ZNF138: variants seen among roughly 807,000 people sequenced by gnomAD.
The protein encoded by ZNF138 is zinc finger protein 138 (clone pHZ-32).
Under a neutral mutation model 33.0 loss-of-function variants are expected in ZNF138, and 33 were observed. The ratio of observed to expected loss-of-function variants is 1.00; its 90% CI spans 0.76 to 1.34. The LOEUF (loss-of-function observed/expected upper bound fraction) is 1.34, where lower values mean the gene tolerates loss of function less well. ZNF138 is among the 40% of genes most tolerant of loss of function. The pLI, the probability that ZNF138 is intolerant of heterozygous loss-of-function variation, is 0.00. For missense variants in ZNF138, 360 were observed against 370.8 expected (o/e 0.97, Z 0.24); for synonymous variants, 139 against 120.4 (o/e 1.15, Z -1.01).
At chr7:64,850,838 C>A in the ZNF138 span, among the ~76,000 whole-genome samples, 1 of 152,158 alleles carries the variant, frequency 6.6e-6, no homozygotes, top group Non-Finnish European at 1.5e-5. Flanking sequence ...TCTTTTAGAT[C>A]ATGATTAATG....
chr7:64,829,039 T>G (rs561511604), intron 3 of ZNF138, among the ~76,000 whole-genome samples: 1 of 152,278 alleles, frequency 6.6e-6, no homozygotes, highest in Admixed American at 6.5e-5. Flanking sequence ...TGTTGTATAC[T>G]CTTACTCCAT....
chr7:64,860,059 C>T, the ZNF138 span, among the ~76,000 whole-genome samples: 3 of 152,188 alleles, frequency 2.0e-5, no homozygotes, highest in African/African-American at 7.2e-5. Flanking sequence ...ATTGCTTGAA[C>T]TCGGGAGGCG....
chr7:64,810,907 A>T (rs1352443389), intron 1 of ZNF138, among the ~76,000 whole-genome samples: 1 of 152,206 alleles, frequency 6.6e-6, no homozygotes, highest in African/African-American at 2.4e-5. Flanking sequence ...GGAAAAAATA[A>T]AGTATGTATT....
At chr7:64,809,678 G>A (rs1369262191) in intron 1 of ZNF138, among the ~76,000 whole-genome samples, 15 of 148,308 alleles carry the variant, frequency 1.0e-4, no homozygotes, top group Admixed American at 4.7e-4. Flanking sequence ...GCTGCCGGGC[G>A]GAGGGGCTCC....
the ZNF138 span, among the ~76,000 whole-genome samples, chr7:64,839,731 G>T: frequency 6.6e-6 from 1 of 152,296 alleles, no homozygotes; most frequent in African/African-American, 2.4e-5. Flanking sequence ...GACTGAGGGA[G>T]AGGCCTGATC....
the ZNF138 span, among the ~76,000 whole-genome samples, chr7:64,848,789 C>T: frequency 2.0e-5 from 3 of 147,008 alleles, no homozygotes; most frequent in Non-Finnish European, 4.5e-5. Context: ...ACTGCAGGCT[C>T]CACCTCCCGG....
Position 64,798,839 on chromosome 7 carries a change from G to C in ZNF138, c.3+4268G>C, listed in dbSNP as rs117348104. 7.1e-3 allele frequency among the ~76,000 whole-genome samples: 1,047 copies of C among 147,718 alleles called. 8 individuals are homozygous for C. The highest frequency in any genetic ancestry group is 0.012 in the Non-Finnish European group (786 of 67,278). On this transcript the variant is annotated intron_variant, in intron 1 of 3. Transcript: ENST00000307355. The stretch of plus-strand genomic sequence containing the variant: ...ATCTTGTCAGCTTTTTTGATGATCA[G>C]ATGGTCAGATGGTTGTAGATGTGTG...
rs771260122 is a variant in ZNF138 at position 64,794,552 on chromosome 7, C to G, written c.-17C>G. ...AGATTCACAGCTAAGACGCCAGGAT[C>G]CCCCGGAAGCCTAGAAATGGTGAGA... On this transcript the variant is annotated 5_prime_UTR_variant, in exon 1 of 4. The change creates a new upstream start codon in the 5' untranslated region. Coordinates refer to ENST00000307355, the MANE Select transcript of ZNF138 (RefSeq NM_001271639.2). 2.4e-5 allele frequency: 38 copies of G among 1,612,788 alleles called. No individual in the cohort carries two copies. The highest frequency in any genetic ancestry group is 3.1e-5 in the Non-Finnish European group (36 of 1,179,214).
chr7:64,794,696 TG>T, intron 1 of ZNF138, 125 bp downstream of exon 1: 1 of 1,424,640 alleles, frequency 7.0e-7, no homozygotes, highest in South Asian at 1.2e-5. Context: ...CCCGAGTTCT[TG>T]GCACAGCTCG....
At chr7:64,801,955 A>C (rs1021520271) in intron 1 of ZNF138, among the ~76,000 whole-genome samples, 2 of 152,162 alleles carry the variant, frequency 1.3e-5, no homozygotes, top group African/African-American at 4.8e-5. Flanking sequence ...AAACTCTGTA[A>C]AATATTTTAA....
At position 64,794,503 on chromosome 7, in the gene ZNF138, T is replaced by A. The variant is rs534211407; in HGVS notation, c.-66T>A. On this transcript the variant is annotated 5_prime_UTR_variant, in exon 1 of 4. Coordinates refer to ENST00000307355, the MANE Select transcript of ZNF138 (RefSeq NM_001271639.2). ...CTTACTCCTAGAGGCCCAGCCTCTG[T>A]GGCGCTGTGATCTGGTTATTGGGAG... 4 of 1,609,140 alleles carry A rather than the reference T, an allele frequency of 2.5e-6. No homozygotes were observed. Among genetic ancestry groups the A allele is most frequent in the African/African-American group, 2.7e-5 (2 of 74,884 alleles).
chr7:64,811,366 A>G (rs1788164508), intron 1 of ZNF138, among the ~76,000 whole-genome samples: 1 of 152,184 alleles, frequency 6.6e-6, no homozygotes, highest in South Asian at 2.1e-4. Context: ...TTTTCTTGAG[A>G]CAGAGTGTTG....
the ZNF138 span, among the ~76,000 whole-genome samples, chr7:64,855,963 T>C: frequency 4.3e-4 from 2 of 4,682 alleles, no homozygotes; most frequent in African/African-American, 4.5e-4. Flanking sequence ...CGTCTCTGCC[T>C]GGCTGCCCAT....
At chr7:64,846,394 G>A in the ZNF138 span, among the ~76,000 whole-genome samples, 1 of 152,314 alleles carries the variant, frequency 6.6e-6, no homozygotes, top group African/African-American at 2.4e-5. Flanking sequence ...CCATCCATGA[G>A]CATGGGATGT....
the ZNF138 span, among the ~76,000 whole-genome samples, chr7:64,858,282 G>A: frequency 7.2e-5 from 11 of 152,336 alleles, no homozygotes; most frequent in Non-Finnish European, 1.6e-4. Flanking sequence ...CTAATAGTGA[G>A]TGGAAGTGAT....
intron 1 of ZNF138, among the ~76,000 whole-genome samples, chr7:64,810,710 T>C (rs920147602): frequency 7.2e-5 from 11 of 152,194 alleles, no homozygotes; most frequent in Non-Finnish European, 1.5e-4. Flanking sequence ...GAATTCTACA[T>C]AGGGTACACT....
At chr7:64,796,778 C>T (rs1786721947) in intron 1 of ZNF138, among the ~76,000 whole-genome samples, 1 of 152,226 alleles carries the variant, frequency 6.6e-6, no homozygotes, top group Admixed American at 6.5e-5. Context: ...TGCGGTGGCT[C>T]ATGCCTGAAA....
the ZNF138 span, chr7:64,852,400 G>A: frequency 1.3e-6 from 2 of 1,527,006 alleles, no homozygotes; most frequent in Non-Finnish European, 1.8e-6. Flanking sequence ...TAGATTAAGA[G>A]GTGGCCCCGG....
chr7:64,811,656 T>G (rs1434959767), intron 1 of ZNF138, among the ~76,000 whole-genome samples: 3 of 152,252 alleles, frequency 2.0e-5, no homozygotes, highest in African/African-American at 7.2e-5. Flanking sequence ...CATAGCTGCC[T>G]TCTGTTTGTT....
Sources: allele counts gnomAD v4.1 joint callset (sites outside exome capture counted in the v4.1 genomes callset), GRCh38; gene constraint gnomAD v4.1.1; transcripts MANE v1.5; gene names NCBI Gene and HGNC (gene_info 2026-07-23, HGNC 2026-07-21).